OTOGL: variants seen among roughly 807,000 people sequenced by gnomAD.
The protein encoded by OTOGL is otogelin-like protein.
OTOGL carries 285 observed loss-of-function variants against 318.5 expected under a neutral mutation model. The ratio of observed to expected loss-of-function variants is 0.89; its 90% CI spans 0.81 to 0.99. The LOEUF (loss-of-function observed/expected upper bound fraction) is 0.99. Among genes scored for constraint, OTOGL ranks in the 50% least tolerant of loss-of-function variants. The pLI, the probability that OTOGL is intolerant of heterozygous loss-of-function variation, is 0.00. For synonymous variants in OTOGL, 987 were observed against 936.5 expected, an observed-to-expected ratio of 1.05 and a Z score of -0.99; for missense variants, 2,899 against 2,845.6, an observed-to-expected ratio of 1.02 and a Z score of -0.43.
intron 30 of OTOGL, among the ~76,000 whole-genome samples, chr12:80,312,760 AC>A (rs1417125850): frequency 2.7e-4 from 41 of 152,196 alleles, no homozygotes; most frequent in African/African-American, 9.2e-4. Flanking sequence ...CCATGAACTG[AC>A]CTAAAAAATA....
chr12:80,221,513 C>T (rs1878336178), intron 6 of OTOGL, among the ~76,000 whole-genome samples: 2 of 152,068 alleles, frequency 1.3e-5, no homozygotes, highest in South Asian at 4.1e-4. Flanking sequence ...AGGTAACCTG[C>T]CCACCTTGGC....
chr12:80,179,818 A>C (rs1297927980), intron 1 of OTOGL, among the ~76,000 whole-genome samples: 2 of 152,200 alleles, frequency 1.3e-5, no homozygotes, highest in African/African-American at 2.4e-5. Context: ...GTGAGCATCC[A>C]TCATGTATTG....
At chr12:80,284,422 T>C (rs1884462956) in intron 26 of OTOGL, among the ~76,000 whole-genome samples, 1 of 152,176 alleles carries the variant, frequency 6.6e-6, no homozygotes, top group Non-Finnish European at 1.5e-5. Flanking sequence ...TCAAGTGGTA[T>C]TTCTGGTTCT....
At chr12:80,336,878 A>C in intron 41 of OTOGL, 34 bp from the exon 42 acceptor site, 2 of 1,542,184 alleles carry the variant, frequency 1.3e-6, no homozygotes, top group Non-Finnish European at 1.8e-6. Flanking sequence ...AATTGTGTTT[A>C]ACTCCGTAAA....
chr12:80,211,621 G>C (rs1040186917), intron 3 of OTOGL, among the ~76,000 whole-genome samples: 9 of 152,272 alleles, frequency 5.9e-5, no homozygotes, highest in Middle Eastern at 3.4e-3. Context: ...GCAAAGTCAT[G>C]TGGGGAAAAT....
At chr12:80,121,948 G>A (rs1240509600) in intron 1 of OTOGL, among the ~76,000 whole-genome samples, 1 of 152,126 alleles carries the variant, frequency 6.6e-6, no homozygotes, top group Non-Finnish European at 1.5e-5. Flanking sequence ...CTTATAATTT[G>A]TACTTTATTT....
chr12:80,189,835 A>G (rs1875550074), intron 1 of OTOGL, among the ~76,000 whole-genome samples: 1 of 152,132 alleles, frequency 6.6e-6, no homozygotes, highest in South Asian at 2.1e-4. Flanking sequence ...TTTGAAGTGA[A>G]ACCAAGAAAT....
intron 1 of OTOGL, among the ~76,000 whole-genome samples, chr12:80,149,592 C>G (rs1413478601): frequency 1.3e-5 from 2 of 152,116 alleles, no homozygotes; most frequent in East Asian, 3.9e-4. Context: ...GTGGTGGGCT[C>G]CACCCAGTTC....
At chr12:80,337,209 T>C (rs950883789) in intron 42 of OTOGL, among the ~76,000 whole-genome samples, 2 of 152,096 alleles carry the variant, frequency 1.3e-5, no homozygotes, top group African/African-American at 2.4e-5. Flanking sequence ...TATTTTCCCC[T>C]GTGAGGTTAA....
intron 1 of OTOGL, among the ~76,000 whole-genome samples, chr12:80,205,494 C>T (rs1269583690): frequency 6.6e-6 from 1 of 152,122 alleles, no homozygotes; most frequent in Non-Finnish European, 1.5e-5. Context: ...AAGATAGATG[C>T]TACTTCTAAA....
chr12:80,250,132 G>A (rs571835757), intron 11 of OTOGL, among the ~76,000 whole-genome samples: 155 of 152,306 alleles, frequency 1.0e-3, no homozygotes, highest in Admixed American at 2.8e-3. Context: ...CTTCTGTGTC[G>A]CTCACGCTGG....
At chr12:80,302,962 G>GT (rs759921784) in intron 28 of OTOGL, among the ~76,000 whole-genome samples, 179 bp downstream of exon 28, 203 of 152,246 alleles carry the variant, frequency 1.3e-3, no homozygotes, top group Non-Finnish European at 2.4e-3. Context: ...TTTGTGTACA[G>GT]TTCTTTTTGA....
At chr12:80,269,905 T>G (rs1263913965) in intron 22 of OTOGL, among the ~76,000 whole-genome samples, 197 bp from the exon 23 acceptor site, 1 of 152,102 alleles carries the variant, frequency 6.6e-6, no homozygotes, top group African/African-American at 2.4e-5. Context: ...TATAGGTGTT[T>G]GATAAAAAGT....
chr12:80,293,795 A>G (rs1353414279), intron 26 of OTOGL, among the ~76,000 whole-genome samples: 2 of 152,072 alleles, frequency 1.3e-5, no homozygotes, highest in Non-Finnish European at 2.9e-5. Flanking sequence ...ACTAGAATAT[A>G]GTTCGTTTTT....
At chr12:80,123,946 T>A (rs1870645918) in intron 1 of OTOGL, among the ~76,000 whole-genome samples, 1 of 152,240 alleles carries the variant, frequency 6.6e-6, no homozygotes, top group African/African-American at 2.4e-5. Context: ...TAGCTCTTTG[T>A]CAGATGAGTA....
chr12:80,152,556 A>G (rs935998780), intron 1 of OTOGL, among the ~76,000 whole-genome samples: 1 of 152,236 alleles, frequency 6.6e-6, no homozygotes, highest in Non-Finnish European at 1.5e-5. Context: ...ACTCAAGAGT[A>G]AAACAGTCTA....
intron 1 of OTOGL, among the ~76,000 whole-genome samples, chr12:80,153,379 C>T (rs889215785): frequency 2.0e-5 from 3 of 152,194 alleles, no homozygotes; most frequent in Non-Finnish European, 2.9e-5. Flanking sequence ...CCCTCAAAGG[C>T]TCCACCTCCT....
At chr12:80,144,063 T>A (rs1343933064) in intron 1 of OTOGL, among the ~76,000 whole-genome samples, 1 of 151,956 alleles carries the variant, frequency 6.6e-6, no homozygotes, top group African/African-American at 2.4e-5. Flanking sequence ...TTTTTTTTCT[T>A]TTATTATTAT....
rs1300776224 is a variant in OTOGL at position 80,320,898 on chromosome 12, G to A, written c.4081+198G>A. Among the ~76,000 whole-genome samples the A allele has an allele frequency of 4.6e-5, 7 of 151,890 alleles. No individual in the cohort carries two copies. The East Asian group carries it at 7.7e-4, about 17-fold the overall frequency. ...GAGAAATAATAATATGTACTTTATCGGGTTATGGTGAGTATTGAATAAGTT... is the reference window on the plus strand; with the variant it reads ...GAGAAATAATAATATGTACTTTATCAGGTTATGGTGAGTATTGAATAAGTT... On this transcript the variant is annotated intron_variant, in intron 34 of 58. Transcript: ENST00000547103.
Sources: gnomAD v4.1 joint callset for allele counts (sites outside exome capture counted in the v4.1 genomes callset) on GRCh38, gnomAD v4.1.1 for gene constraint, MANE v1.5 for transcripts, NCBI Gene and HGNC (gene_info 2026-07-23, HGNC 2026-07-21) for gene names.